The following ATP7B variants were observed in gnomAD, a reference collection of about 807,000 sequenced individuals.
The protein encoded by ATP7B is copper-transporting ATPase 2.
ATP7B carries 113 observed loss-of-function variants against 118.9 expected under a neutral mutation model. The observed-to-expected ratio is 0.95, with a 90% CI of 0.82 to 1.11. The LOEUF is 1.11. ATP7B is among the 50% of genes most tolerant of loss of function. The pLI is 0.00. For synonymous variants in ATP7B, 777 were observed against 727.4 expected (o/e 1.07, Z -1.10); for missense variants, 1,867 against 1,871.4 (o/e 1.00, Z 0.04).
chr13:51,967,742 T>A (rs779521525), intron 4 of ATP7B, among the ~76,000 whole-genome samples: 6 of 152,246 alleles, frequency 3.9e-5, no homozygotes, highest in Non-Finnish European at 7.3e-5. Context: ...TAAAGCAGCA[T>A]CATTCAATTC....
intron 15 of ATP7B, 92 bp downstream of exon 15, chr13:51,942,294 A>C (rs1593664894): frequency 1.3e-6 from 2 of 1,578,340 alleles, no homozygotes; most frequent in Non-Finnish European, 1.7e-6. Context: ...CGTCTGCCGC[A>C]CAGCAGAGGC....
chr13:51,944,990 T>A (rs754332430), intron 13 of ATP7B, among the ~76,000 whole-genome samples: 1 of 152,236 alleles, frequency 6.6e-6, no homozygotes, highest in Non-Finnish European at 1.5e-5. Context: ...GCCAGCAGGT[T>A]GCTCTTCTCA....
At chr13:51,976,425 C>T (rs1028324735) in intron 1 of ATP7B, among the ~76,000 whole-genome samples, 1 of 152,058 alleles carries the variant, frequency 6.6e-6, no homozygotes, top group East Asian at 1.9e-4. Context: ...TTAATAATTA[C>T]ATAGAATTTT....
chr13:52,003,563 G>A (rs1172856263), intron 1 of ATP7B, among the ~76,000 whole-genome samples: 3 of 152,094 alleles, frequency 2.0e-5, no homozygotes, highest in Non-Finnish European at 1.5e-5. Flanking sequence ...GTGAGTATAT[G>A]CTGTTACACA....
At chr13:51,959,859 T>C (rs1958614323) in intron 7 of ATP7B, 1 of 465,176 alleles carries the variant, frequency 2.1e-6, no homozygotes, top group Non-Finnish European at 4.0e-6. Context: ...TCACCACACC[T>C]TGCAGCAAGG....
At chr13:51,972,508 T>C (rs1258149746) in intron 2 of ATP7B, among the ~76,000 whole-genome samples, 2 of 152,086 alleles carry the variant, frequency 1.3e-5, no homozygotes, top group African/African-American at 2.4e-5. Context: ...CAGTTACCCC[T>C]TTCCTCCATG....
At position 51,968,444 on chromosome 13, in the gene ATP7B, T is replaced by C. The variant is rs2139884730; in HGVS notation, c.1707A>G (p.Thr569=). Residue 569 remains threonine (T), a splice_region_variant and synonymous_variant, in exon 4 of 21, where the codon ACA becomes ACG. Coordinates refer to ENST00000242839, the MANE Select transcript of ATP7B (RefSeq NM_000053.4). ...YAGSDGNIEL[T]ITGMTCASCV... is the part of the protein sequence containing the mutation. Reference sequence around the variant, plus strand: ...CCCGTAACGCACCCACAGTACTTACTGTCAGCTCAATGTTGCCATCGGAGC... The same window carrying C: ...CCCGTAACGCACCCACAGTACTTACCGTCAGCTCAATGTTGCCATCGGAGC... The C allele has an allele frequency of 8.7e-6, 14 of 1,614,218 alleles. No homozygotes were observed. Among genetic ancestry groups the C allele is most frequent in the Non-Finnish European group, 1.2e-5 (14 of 1,180,028 alleles).
chr13:52,005,504 T>C (rs1953722411), intron 1 of ATP7B, among the ~76,000 whole-genome samples: 1 of 152,204 alleles, frequency 6.6e-6, no homozygotes, highest in South Asian at 2.1e-4. Flanking sequence ...CAATAAAATA[T>C]TCCTCATTTC....
At chr13:51,963,838 T>A (rs146601645) in intron 5 of ATP7B, among the ~76,000 whole-genome samples, 3 of 149,366 alleles carry the variant, frequency 2.0e-5, no homozygotes, top group African/African-American at 7.4e-5. Flanking sequence ...TCACCTAAGG[T>A]GTCAGGAGTT....
chr13:51,950,171 GGAAA>G lies in ATP7B; in HGVS notation c.2576-14_2576-11del, dbSNP rs767603324. The G allele has an allele frequency of 6.2e-7, 1 of 1,614,122 alleles. No individual in the cohort carries two copies. Among genetic ancestry groups the G allele is most frequent in the Admixed American group, 1.7e-5 (1 of 60,020 alleles). On this transcript the variant is annotated splice_polypyrimidine_tract_variant and intron_variant, in intron 10 of 20. Transcript: ENST00000242839. ...ACTGGCATGGCTTCTCCTAGACGTA[GGAAA>G]GAGACAACTGTCACTTGCTCAGCCC...
chr13:51,980,400 A>G (rs1952357275), intron 1 of ATP7B, among the ~76,000 whole-genome samples: 1 of 152,226 alleles, frequency 6.6e-6, no homozygotes, highest in Non-Finnish European at 1.5e-5. Flanking sequence ...AAGGGAGTCC[A>G]AAAGTGAATT....
In ATP7B at chr13:51,970,838, T is replaced by C; in HGVS notation, c.1286-89A>G. On this transcript the variant is annotated intron_variant, in intron 2 of 20. Coordinates refer to ENST00000242839, the MANE Select transcript of ATP7B (RefSeq NM_000053.4). ...AGGTTTCAGGGCTCTTGGTGAGGGT[T>C]CATTGTCCCGGCTCCCACCGAGCAG... The C allele has an allele frequency of 2.5e-5, 36 of 1,421,026 alleles. 2 individuals are homozygous for C. In the South Asian group the frequency reaches 4.3e-4, roughly 17 times the overall value. The allele number at this position is 1,421,026 out of a possible 1,614,324, so 88.0% of individuals were successfully genotyped here. A position where few individuals can be genotyped will look rare whatever the true frequency, so the allele number is the denominator to read the frequency against.
rs762567255 is a variant in ATP7B at position 51,968,546 on chromosome 13, C to T, written c.1605G>A (p.Glu535=). The T allele has an allele frequency of 2.0e-5, 32 of 1,614,196 alleles. No individual in the cohort carries two copies. In the South Asian group the frequency reaches 2.1e-4, roughly 11 times the overall value. The change falls in exon 4 of 21, where the codon GAG becomes GAA. Residue 535 remains glutamate, a synonymous_variant. Coordinates refer to ENST00000242839, the MANE Select transcript of ATP7B (RefSeq NM_000053.4). ...GAGCTATCTCGAGGGGCTGGATGAC[C>T]TCTGGGTCATACTTGATCTCTGCCT... ...AGKAEIKYDP[E]VIQPLEIAQF... is the part of the protein sequence containing the mutation.
At chr13:52,009,245 T>C (rs771085045) in intron 1 of ATP7B, among the ~76,000 whole-genome samples, 32 of 152,166 alleles carry the variant, frequency 2.1e-4, no homozygotes, top group Non-Finnish European at 3.8e-4. Context: ...CAGACAAAAG[T>C]AGTCCTACTG....
chr13:51,987,130 T>C (rs1952692144), intron 1 of ATP7B, among the ~76,000 whole-genome samples: 1 of 152,306 alleles, frequency 6.6e-6, no homozygotes, highest in South Asian at 2.1e-4. Context: ...AGTCAAATTG[T>C]CTCTGTTTGC....
chr13:51,953,552 A>G (rs1056315763), intron 9 of ATP7B, among the ~76,000 whole-genome samples: 1 of 152,222 alleles, frequency 6.6e-6, no homozygotes, highest in Admixed American at 6.5e-5. Context: ...CTTACAAGGA[A>G]TAGTCCTTTA....
intron 9 of ATP7B, among the ~76,000 whole-genome samples, chr13:51,952,203 A>G (rs1010525309): frequency 1.3e-5 from 2 of 152,190 alleles, no homozygotes; most frequent in Non-Finnish European, 2.9e-5. Flanking sequence ...AGAGGAGAAG[A>G]CGGCAGGAAC....
At chr13:52,005,897 G>A (rs1462630032) in intron 1 of ATP7B, among the ~76,000 whole-genome samples, 1 of 152,344 alleles carries the variant, frequency 6.6e-6, no homozygotes, top group East Asian at 1.9e-4. Flanking sequence ...GCAGCACTGT[G>A]AAATGTTCAT....
At position 51,934,893 on chromosome 13, in the gene ATP7B, G is replaced by C. The variant is rs532864705; in HGVS notation, c.4261C>G (p.Gln1421Glu). Reference protein sequence around the residue: ...RDSPRATPWDQVSYVSQVSLS... With the variant: ...RDSPRATPWDEVSYVSQVSLS... The stretch of plus-strand genomic sequence containing the variant: ...GACACCTGGCTGACATAGCTGACCT[G>C]GTCCCATGGTGTGGCCCTGGGGGAG... The change falls in exon 21 of 21, where the codon CAG (glutamine) becomes GAG (glutamate). Residue 1421 changes from glutamine to glutamate, a missense_variant. Physicochemically the swap from Gln to Glu is conservative, Grantham distance 29. Transcript: ENST00000242839. The C allele has an allele frequency of 6.2e-7, 1 of 1,614,154 alleles. No individual in the cohort carries two copies. Among genetic ancestry groups the C allele is most frequent in the African/African-American group, 1.3e-5 (1 of 75,062 alleles).
Sources: gnomAD v4.1 joint callset for allele counts (sites outside exome capture counted in the v4.1 genomes callset) on GRCh38, gnomAD v4.1.1 for gene constraint, MANE v1.5 for transcripts, NCBI Gene and HGNC (gene_info 2026-07-23, HGNC 2026-07-21) for gene names.